Variants in DLG2 observed in about 807,000 individuals in gnomAD.
DLG2 encodes disks large homolog 2.
A neutral mutation model predicts 132.5 loss-of-function variants in DLG2; 45 were observed. The ratio of observed to expected loss-of-function variants is 0.34; its 90% CI spans 0.27 to 0.44. The LOEUF is 0.44. Among genes scored for constraint, DLG2 ranks in the 20% least tolerant of loss-of-function variants. DLG2 has a pLI of 1.00. For missense variants in DLG2, 1,045 were observed against 1,196.9 expected (o/e 0.87, Z 1.87); for synonymous variants, 424 against 419.6 (o/e 1.01, Z -0.13).
chr11:83,816,563 T>C (rs1275938209), intron 17 of DLG2, among the ~76,000 whole-genome samples: 2 of 152,088 alleles, frequency 1.3e-5, no homozygotes, highest in African/African-American at 2.4e-5. Context: ...TATGAGATAA[T>C]ACATGCAGTG....
chr11:84,802,444 G>A (rs912811433), intron 6 of DLG2, among the ~76,000 whole-genome samples: 5 of 152,096 alleles, frequency 3.3e-5, no homozygotes, highest in African/African-American at 1.2e-4. Flanking sequence ...AGAAGAAATA[G>A]GGAGTTACAG....
chr11:83,991,760 A>G (rs1201100970), intron 11 of DLG2, among the ~76,000 whole-genome samples: 3 of 152,046 alleles, frequency 2.0e-5, no homozygotes, highest in Non-Finnish European at 2.9e-5. Context: ...ATACACCACA[A>G]TCTACTCACA....
At chr11:85,425,463 A>G (rs566511307) in intron 3 of DLG2, among the ~76,000 whole-genome samples, 12 of 152,280 alleles carry the variant, frequency 7.9e-5, no homozygotes, top group Admixed American at 2.0e-4. Flanking sequence ...TTTATACCCA[A>G]TGTTTTTGAG....
At chr11:85,192,755 T>C (rs2080699694) in intron 4 of DLG2, among the ~76,000 whole-genome samples, 1 of 152,194 alleles carries the variant, frequency 6.6e-6, no homozygotes, top group African/African-American at 2.4e-5. Context: ...CTCTTATTCC[T>C]TCTGTCATCT....
At chr11:84,746,436 A>T (rs1407614882) in intron 6 of DLG2, among the ~76,000 whole-genome samples, 1 of 119,880 alleles carries the variant, frequency 8.3e-6, no homozygotes, top group Non-Finnish European at 1.9e-5. Context: ...CTTAGTTTAG[A>T]CTTGATTAAA....
chr11:83,736,509 G>A (rs2091916293), intron 18 of DLG2, among the ~76,000 whole-genome samples: 1 of 152,008 alleles, frequency 6.6e-6, no homozygotes, highest in South Asian at 2.1e-4. Flanking sequence ...CTATTTATTT[G>A]TTTGACTGAC....
At chr11:84,881,800 A>G (rs1449886753) in intron 6 of DLG2, among the ~76,000 whole-genome samples, 1 of 152,128 alleles carries the variant, frequency 6.6e-6, no homozygotes, top group Non-Finnish European at 1.5e-5. Context: ...AAAGTAAGCA[A>G]CTGGAAGTGA....
chr11:83,905,796 T>C (rs1475497456), intron 15 of DLG2, among the ~76,000 whole-genome samples: 1 of 152,152 alleles, frequency 6.6e-6, no homozygotes, highest in Non-Finnish European at 1.5e-5. Flanking sequence ...ATGGTCTAAT[T>C]CACCTTTGAC....
chr11:83,541,530 T>A (rs2096066950), intron 20 of DLG2, 152 bp downstream of exon 20: 1 of 698,680 alleles, frequency 1.4e-6, no homozygotes, highest in Admixed American at 3.5e-5. Context: ...TTAATTCATG[T>A]CACCTGTCAC....
chr11:84,734,074 T>C (rs2153815319), intron 6 of DLG2, among the ~76,000 whole-genome samples: 1 of 152,348 alleles, frequency 6.6e-6, no homozygotes, highest in South Asian at 2.1e-4. Context: ...GGTAGCATGA[T>C]GCCTCCAGCT....
chr11:83,854,777 T>C (rs894239713), intron 16 of DLG2, among the ~76,000 whole-genome samples: 24 of 152,132 alleles, frequency 1.6e-4, no homozygotes, highest in African/African-American at 5.5e-4. Context: ...AAATAGAACA[T>C]ATGTTTTTAA....
chr11:84,813,561 A>G (rs1436534807), intron 6 of DLG2, among the ~76,000 whole-genome samples: 3 of 152,140 alleles, frequency 2.0e-5, no homozygotes, highest in Non-Finnish European at 2.9e-5. Flanking sequence ...GACTGAGAAG[A>G]AAAAGGCTGG....
intron 3 of DLG2, among the ~76,000 whole-genome samples, chr11:85,588,763 G>A (rs573512884): frequency 2.0e-5 from 3 of 152,138 alleles, no homozygotes; most frequent in African/African-American, 7.2e-5. Flanking sequence ...ACCTCATCTT[G>A]TCATATTTTC....
chr11:84,830,187 C>G (rs2153992449), intron 6 of DLG2, among the ~76,000 whole-genome samples: 1 of 151,568 alleles, frequency 6.6e-6, no homozygotes, highest in South Asian at 2.1e-4. Context: ...CACTGGTGCT[C>G]AGAGAGAGAA....
intron 4 of DLG2, among the ~76,000 whole-genome samples, chr11:85,208,332 G>A (rs139873324): frequency 4.1e-4 from 63 of 152,180 alleles, no homozygotes; most frequent in African/African-American, 1.5e-3. Context: ...ATGTCCTCAT[G>A]AGCACACATA....
intron 3 of DLG2, among the ~76,000 whole-genome samples, chr11:85,542,641 C>T (rs2076046789): frequency 6.6e-6 from 1 of 152,144 alleles, no homozygotes; most frequent in Non-Finnish European, 1.5e-5. Flanking sequence ...TTTTAATATT[C>T]TCAAAGGTCT....
intron 6 of DLG2, among the ~76,000 whole-genome samples, chr11:84,808,131 C>T (rs887473349): frequency 1.3e-5 from 2 of 151,968 alleles, no homozygotes; most frequent in Non-Finnish European, 2.9e-5. Flanking sequence ...TAACTTAAAT[C>T]ATAGAGAGTG....
In DLG2 at chr11:84,122,576, C is replaced by A. The variant is rs556478350; in HGVS notation, c.625-23529G>T. On this transcript the variant is annotated intron_variant, in intron 9 of 27. Coordinates refer to ENST00000376104, the MANE Select transcript of DLG2 (RefSeq NM_001142699.3). Reference sequence around the variant, plus strand: ...CTTTTGAACTTCCATGCTCCTAGGGCAAACAAACAAAAAAAAAAGTTGTCG... The same window carrying A: ...CTTTTGAACTTCCATGCTCCTAGGGAAAACAAACAAAAAAAAAAGTTGTCG... Among the ~76,000 whole-genome samples, 12 of 70,228 alleles carry A rather than the reference C, an allele frequency of 1.7e-4. No homozygotes were observed. In the East Asian group the frequency reaches 5.1e-3, roughly 30 times the overall value. 46.1% of individuals were successfully genotyped at this position (70,228 alleles called of 152,430 possible). A position where few individuals can be genotyped will look rare whatever the true frequency, so the allele number is the denominator to read the frequency against.
rs1444727299 is a variant in DLG2, at chr11:83,456,913, A to AATCCC, written c.*2900_*2904dup. The AATCCC allele has an allele frequency of 6.6e-6, 1 of 152,636 alleles. No individual in the cohort carries two copies. Among genetic ancestry groups the AATCCC allele is most frequent in the African/African-American group, 2.4e-5 (1 of 41,466 alleles). 9.5% of individuals were successfully genotyped at this position (152,636 alleles called of 1,614,324 possible). On this transcript the variant is annotated 3_prime_UTR_variant, in exon 28 of 28. Transcript: ENST00000376104. The stretch of plus-strand genomic sequence containing the variant: ...AAGGCCTGCAAATAAATAGCCAAGA[A>AATCCC]ATCCCGCAAAAGGCCTGCAAATAAA...
Sources: gnomAD v4.1 joint callset for allele counts (sites outside exome capture counted in the v4.1 genomes callset) on GRCh38, gnomAD v4.1.1 for gene constraint, MANE v1.5 for transcripts, NCBI Gene and HGNC (gene_info 2026-07-23, HGNC 2026-07-21) for gene names.